The following SPSB4 variants were observed in gnomAD, a reference collection of about 807,000 sequenced individuals.
SPSB4 encodes splA/ryanodine receptor domain and SOCS box containing 4, also known as SPRY domain-containing SOCS box protein 4.
In SPSB4, 21 loss-of-function variants were observed where a neutral mutation model predicts 20.9. The ratio of observed to expected loss-of-function variants is 1.01; its 90% CI spans 0.71 to 1.45. The LOEUF is 1.45. Among genes scored for constraint, SPSB4 ranks in the 40% most tolerant of loss-of-function variants. The pLI is 0.00. For missense variants in SPSB4, 399 were observed against 399.2 expected (o/e 1.00, Z 0.00); for synonymous variants, 207 against 183.8 (o/e 1.13, Z -1.02).
intron 2 of SPSB4, among the ~76,000 whole-genome samples, chr3:141,097,433 G>GT (rs1005506312): frequency 4.6e-5 from 7 of 151,856 alleles, no homozygotes; most frequent in South Asian, 2.1e-4. Flanking sequence ...TTGTTTTTTG[G>GT]TTTTTTTTGA....
intron 2 of SPSB4, among the ~76,000 whole-genome samples, chr3:141,080,924 G>A (rs1210930204): frequency 6.6e-6 from 1 of 152,218 alleles, no homozygotes; most frequent in African/African-American, 2.4e-5. Flanking sequence ...TGGGAGCCAG[G>A]AAACCTGGCC....
At position 141,112,421 on chromosome 3, in the gene SPSB4, G is replaced by A. The variant is rs369055362; in HGVS notation, c.695-34721G>A. Among the ~76,000 whole-genome samples the A allele has an allele frequency of 8.2e-4, 125 of 151,714 alleles. No homozygotes were observed. In the East Asian group the frequency reaches 0.012, roughly 14 times the overall value. ...AGCACTTTGGGAGGCCGAGGCGGGC[G>A]GATCACGAGGTCAGGAGATCGAGAC... is the stretch of plus-strand genomic sequence containing the variant. On this transcript the variant is annotated intron_variant, in intron 2 of 2. Transcript: ENST00000310546.
At chr3:141,109,662 C>CCCTCTTCCTCCT (rs1366998954) in intron 2 of SPSB4, among the ~76,000 whole-genome samples, 2 of 152,040 alleles carry the variant, frequency 1.3e-5, no homozygotes, top group South Asian at 2.1e-4. Context: ...CCTTTCTCTC[C>CCCTCTTCCTCCT]CCTCTTCCTC....
chr3:141,058,052 A>G (rs1937691762), intron 1 of SPSB4, among the ~76,000 whole-genome samples: 1 of 152,168 alleles, frequency 6.6e-6, no homozygotes, highest in Non-Finnish European at 1.5e-5. Context: ...CTCTGGCTCC[A>G]GCAAGTCCAA....
Position 141,063,655 on chromosome 3 carries a change from T to A in SPSB4, c.-153-2297T>A, listed in dbSNP as rs868352777. 1.4e-4 allele frequency among the ~76,000 whole-genome samples: 21 copies of A among 152,364 alleles called. 2 individuals are homozygous for A. The Middle Eastern group carries it at 0.027, about 197-fold the overall frequency. The stretch of plus-strand genomic sequence containing the variant: ...TTTTTATCTGCTTTGTGGCAGCTTT[T>A]TTCAGGTGAGTTTGCTTGGTTTGCC... On this transcript the variant is annotated intron_variant, in intron 1 of 2. Transcript: ENST00000310546.
At chr3:141,127,996 T>A (rs1042713542) in intron 2 of SPSB4, among the ~76,000 whole-genome samples, 1 of 152,206 alleles carries the variant, frequency 6.6e-6, no homozygotes, top group Non-Finnish European at 1.5e-5. Flanking sequence ...ATACCCTTGG[T>A]TCCTGGGAAT....
chr3:141,127,187 G>C (rs1421896899), intron 2 of SPSB4, among the ~76,000 whole-genome samples: 1 of 152,258 alleles, frequency 6.6e-6, no homozygotes, highest in Non-Finnish European at 1.5e-5. Context: ...GGGCTGGGGG[G>C]TGCAGCAGCA....
At chr3:141,126,131 G>T (rs1300526933) in intron 2 of SPSB4, among the ~76,000 whole-genome samples, 1 of 152,172 alleles carries the variant, frequency 6.6e-6, no homozygotes, top group Non-Finnish European at 1.5e-5. Context: ...GAACTGACCA[G>T]ATGCTTAGAG....
At chr3:141,111,316 A>C (rs568579690) in intron 2 of SPSB4, among the ~76,000 whole-genome samples, 1 of 145,658 alleles carries the variant, frequency 6.9e-6, no homozygotes, top group East Asian at 2.0e-4. Context: ...TATACCATAC[A>C]TAGCATATGC....
At chr3:141,118,118 C>T (rs905169541) in intron 2 of SPSB4, among the ~76,000 whole-genome samples, 1 of 152,214 alleles carries the variant, frequency 6.6e-6, no homozygotes, top group Middle Eastern at 3.2e-3. Flanking sequence ...ACACTCCCAC[C>T]AATGGTACAA....
Position 141,126,552 on chromosome 3 carries a change from A to G in SPSB4, c.695-20590A>G, listed in dbSNP as rs536500603. On this transcript the variant is annotated intron_variant, in intron 2 of 2. Coordinates refer to ENST00000310546, the MANE Select transcript of SPSB4 (RefSeq NM_080862.3). ...AACATCCCAAGAGTGATATTTTTCG[A>G]AGGACACCATCTGCCCATTGTATCA... Among the ~76,000 whole-genome samples, 70 of 152,220 alleles carry G rather than the reference A, an allele frequency of 4.6e-4. No individual in the cohort carries two copies. In the South Asian group the frequency reaches 0.01, roughly 23 times the overall value.
chr3:141,139,446 C>T (rs1213933104), intron 2 of SPSB4, among the ~76,000 whole-genome samples: 1 of 152,176 alleles, frequency 6.6e-6, no homozygotes, highest in South Asian at 2.1e-4. Flanking sequence ...GTCTTTACAA[C>T]TTGGCATGTT....
At chr3:141,120,302 C>T (rs1027334866) in intron 2 of SPSB4, among the ~76,000 whole-genome samples, 4 of 152,086 alleles carry the variant, frequency 2.6e-5, no homozygotes, top group African/African-American at 9.7e-5. Context: ...GATTTCTGTT[C>T]TTTTGCATTT....
At chr3:141,105,532 C>T (rs773786518) in intron 2 of SPSB4, among the ~76,000 whole-genome samples, 11 of 152,170 alleles carry the variant, frequency 7.2e-5, no homozygotes, top group East Asian at 1.9e-4. Flanking sequence ...TGCTGCCCCC[C>T]GAGGATGCAG....
intron 2 of SPSB4, among the ~76,000 whole-genome samples, chr3:141,096,602 T>C (rs1938550687): frequency 1.3e-5 from 2 of 152,194 alleles, no homozygotes; most frequent in Non-Finnish European, 2.9e-5. Flanking sequence ...TCTAATTCCA[T>C]ACTCTTTGTG....
At chr3:141,145,275 C>T (rs1021314238) in intron 2 of SPSB4, among the ~76,000 whole-genome samples, 4 of 151,114 alleles carry the variant, frequency 2.6e-5, no homozygotes, top group African/African-American at 9.7e-5. Context: ...TGTTTGGAGT[C>T]ACTAGTGCTC....
intron 1 of SPSB4, among the ~76,000 whole-genome samples, chr3:141,052,417 A>G (rs573384301): frequency 2.1e-4 from 32 of 152,334 alleles, no homozygotes; most frequent in African/African-American, 7.2e-4. Flanking sequence ...TCGTAGGTAG[A>G]CATGTGCTGG....
intron 1 of SPSB4, among the ~76,000 whole-genome samples, chr3:141,060,537 G>T (rs957644595): frequency 1.3e-5 from 2 of 152,168 alleles, no homozygotes; most frequent in Admixed American, 1.3e-4. Flanking sequence ...CTCTGAGCCC[G>T]GGCTGCTATT....
At chr3:141,067,381 G>A (rs1937908333) in intron 2 of SPSB4, among the ~76,000 whole-genome samples, 1 of 152,158 alleles carries the variant, frequency 6.6e-6, no homozygotes, top group Admixed American at 6.5e-5. Flanking sequence ...ATCTCCAGCC[G>A]ACTGTCATCT....
Sources: allele counts gnomAD v4.1 joint callset (sites outside exome capture counted in the v4.1 genomes callset), GRCh38; gene constraint gnomAD v4.1.1; transcripts MANE v1.5; gene names NCBI Gene and HGNC (gene_info 2026-07-23, HGNC 2026-07-21).